GRIN2B: variants seen among roughly 807,000 people sequenced by gnomAD.
The protein encoded by GRIN2B is glutamate ionotropic receptor NMDA type subunit 2B.
In GRIN2B, 5 loss-of-function variants were observed where a neutral mutation model predicts 114.5. That is an observed-to-expected ratio of 0.04 (90% CI 0.02 to 0.09). The LOEUF (loss-of-function observed/expected upper bound fraction) is 0.09, where lower values mean the gene tolerates loss of function less well. Ranked by LOEUF, GRIN2B falls within the 10% of genes least tolerant of loss-of-function variation. GRIN2B has a pLI of 1.00. For missense variants in GRIN2B, 1,108 were observed against 1,943.5 expected, an observed-to-expected ratio of 0.57 and a Z score of 8.08; for synonymous variants, 787 against 745.1, an observed-to-expected ratio of 1.06 and a Z score of -0.92.
intron 2 of GRIN2B, among the ~76,000 whole-genome samples, chr12:13,896,484 A>T (rs1174670338): frequency 6.6e-6 from 1 of 152,194 alleles, no homozygotes. Context: ...CAAAAAATGG[A>T]CGATTAAAGG....
chr12:13,608,230 C>T (rs952675149), intron 10 of GRIN2B, among the ~76,000 whole-genome samples: 3 of 152,164 alleles, frequency 2.0e-5, no homozygotes, highest in African/African-American at 4.8e-5. Context: ...GGCCATCATG[C>T]GCCCATCTCC....
chr12:13,749,526 G>A (rs2136624821), intron 4 of GRIN2B, among the ~76,000 whole-genome samples: 1 of 152,338 alleles, frequency 6.6e-6, no homozygotes, highest in Middle Eastern at 3.4e-3. Flanking sequence ...GAGGAGAATA[G>A]CAGGCCAAAG....
intron 4 of GRIN2B, among the ~76,000 whole-genome samples, chr12:13,727,982 CA>C (rs1863021063): frequency 6.6e-6 from 1 of 152,186 alleles, no homozygotes; most frequent in Non-Finnish European, 1.5e-5. Flanking sequence ...CTTACTGTAG[CA>C]TTGTGAGTAA....
chr12:13,736,739 A>G (rs1205728162), intron 4 of GRIN2B, among the ~76,000 whole-genome samples: 1 of 152,166 alleles, frequency 6.6e-6, no homozygotes, highest in Non-Finnish European at 1.5e-5. Context: ...AACATGCAAT[A>G]TATGGCCGGG....
In GRIN2B at chr12:13,981,512, T is replaced by C. The variant is rs1243975276; in HGVS notation, c.-618A>G. 1 of 151,960 alleles carries C rather than the reference T, an allele frequency of 6.6e-6. No individual in the cohort carries two copies. The highest frequency in any genetic ancestry group is 2.4e-5 in the African/African-American group (1 of 41,370). 9.4% of individuals were successfully genotyped at this position (151,960 alleles called of 1,614,324 possible). A position where few individuals can be genotyped will look rare whatever the true frequency, so the allele number is the denominator to read the frequency against. ...ATATGCATTCGGACGCCAGCACTAC[T>C]GGATGGTGGTGATCAAGAATCACCC... On this transcript the variant is annotated 5_prime_UTR_variant, in exon 1 of 14. Coordinates refer to ENST00000609686, the MANE Select transcript of GRIN2B (RefSeq NM_000834.5).
At position 13,562,537 on chromosome 12, in the gene GRIN2B, C is replaced by G. The variant is rs202048045; in HGVS notation, c.*246G>C. 103 of 539,096 alleles carry G rather than the reference C, an allele frequency of 1.9e-4. No homozygotes were observed. Among genetic ancestry groups the G allele is most frequent in the Non-Finnish European group, 2.8e-4 (83 of 300,424 alleles). The allele number at this position is 539,096 out of a possible 1,614,324, so 33.4% of individuals were successfully genotyped here. On this transcript the variant is annotated 3_prime_UTR_variant, in exon 14 of 14. Coordinates refer to ENST00000609686, the MANE Select transcript of GRIN2B (RefSeq NM_000834.5). ...CTGCTGAGAGGGCCCATGGCATCAT[C>G]TCATGGGAACAGGAATGGCTGACAG...
chr12:13,759,394 C>T (rs1863638558), intron 3 of GRIN2B, among the ~76,000 whole-genome samples: 2 of 152,126 alleles, frequency 1.3e-5, no homozygotes, highest in African/African-American at 4.8e-5. Flanking sequence ...TGTGCTTTTA[C>T]AAAATGTGAG....
intron 2 of GRIN2B, among the ~76,000 whole-genome samples, chr12:13,926,004 A>ACAATCAGAGGAGG (rs1464640017): frequency 6.6e-6 from 1 of 152,128 alleles, no homozygotes; most frequent in African/African-American, 2.4e-5. Context: ...TTAGCAACTG[A>ACAATCAGAGGAGG]CAATCAGAGG....
chr12:13,773,691 C>T (rs1324838245), intron 3 of GRIN2B, among the ~76,000 whole-genome samples: 1 of 152,204 alleles, frequency 6.6e-6, no homozygotes, highest in African/African-American at 2.4e-5. Context: ...ACCCCTTCAA[C>T]ATTACTAGAA....
chr12:13,771,257 C>T (rs911179047), intron 3 of GRIN2B, among the ~76,000 whole-genome samples: 1 of 152,158 alleles, frequency 6.6e-6, no homozygotes, highest in Non-Finnish European at 1.5e-5. Flanking sequence ...ATTGTGAGGC[C>T]TCCCCAGCCA....
intron 12 of GRIN2B, 151 bp from the exon 13 acceptor site, chr12:13,567,414 T>G: frequency 1.5e-6 from 1 of 651,478 alleles, no homozygotes; most frequent in East Asian, 2.7e-5. Context: ...TGAATAAAGT[T>G]AACAGTAATC....
intron 3 of GRIN2B, among the ~76,000 whole-genome samples, chr12:13,863,153 C>G (rs549127712): frequency 3.5e-4 from 54 of 152,224 alleles, no homozygotes; most frequent in Non-Finnish European, 5.9e-4. Flanking sequence ...TTACAGTGAC[C>G]TAGAAGAATT....
intron 5 of GRIN2B, among the ~76,000 whole-genome samples, chr12:13,620,846 G>C (rs78408667): frequency 6.6e-6 from 1 of 150,430 alleles, no homozygotes; most frequent in East Asian, 1.9e-4. Flanking sequence ...TACAAAATAC[G>C]AGCTTGCCTT....
intron 2 of GRIN2B, among the ~76,000 whole-genome samples, chr12:13,966,028 G>A (rs1381310267): frequency 6.6e-6 from 1 of 152,196 alleles, no homozygotes; most frequent in East Asian, 1.9e-4. Flanking sequence ...AGAGGAGAAA[G>A]AGCCCCGGAC....
At chr12:13,678,739 A>C (rs889550438) in intron 4 of GRIN2B, among the ~76,000 whole-genome samples, 1 of 152,106 alleles carries the variant, frequency 6.6e-6, no homozygotes, top group African/African-American at 2.4e-5. Context: ...TATAGTTTGC[A>C]ATGACTCTAA....
At chr12:13,683,587 G>A in intron 4 of GRIN2B, 1 of 157,448 alleles carries the variant, frequency 6.4e-6, no homozygotes. Context: ...TCCATCGATT[G>A]CCAGGGTTGA....
intron 4 of GRIN2B, among the ~76,000 whole-genome samples, chr12:13,710,342 C>T (rs7301995): frequency 1.3e-5 from 2 of 151,976 alleles, no homozygotes; most frequent in Non-Finnish European, 2.9e-5. Flanking sequence ...CCTCTCTCAC[C>T]GCTCCTATTC....
At chr12:13,638,161 A>G (rs551457986) in intron 5 of GRIN2B, among the ~76,000 whole-genome samples, 1 of 152,272 alleles carries the variant, frequency 6.6e-6, no homozygotes, top group South Asian at 2.1e-4. Context: ...TGCTCAAAGA[A>G]ACTGGGCAAA....
At chr12:13,851,394 C>T (rs1220193291) in intron 3 of GRIN2B, among the ~76,000 whole-genome samples, 1 of 152,140 alleles carries the variant, frequency 6.6e-6, no homozygotes, top group Non-Finnish European at 1.5e-5. Context: ...CACTCAATGA[C>T]ATTGCACTGG....
Sources: allele counts gnomAD v4.1 joint callset (sites outside exome capture counted in the v4.1 genomes callset), GRCh38; gene constraint gnomAD v4.1.1; transcripts MANE v1.5; gene names NCBI Gene and HGNC (gene_info 2026-07-23, HGNC 2026-07-21).